Variants in OTOGL observed in about 807,000 individuals in gnomAD.
OTOGL encodes the protein otogelin-like protein.
Under a neutral mutation model 318.5 loss-of-function variants are expected in OTOGL, and 285 were observed. That is an observed-to-expected ratio of 0.89 (90% confidence interval 0.81 to 0.99). The LOEUF (loss-of-function observed/expected upper bound fraction) is 0.99, where lower values mean the gene tolerates loss of function less well. Ranked by LOEUF, OTOGL falls within the 50% of genes least tolerant of loss-of-function variation. The pLI is 0.00. For synonymous variants in OTOGL, 987 were observed against 936.5 expected (o/e 1.05, Z -0.99); for missense variants, 2,899 against 2,845.6 (o/e 1.02, Z -0.43).
intron 1 of OTOGL, among the ~76,000 whole-genome samples, chr12:80,167,311 G>A (rs574373796): frequency 9.2e-5 from 14 of 152,234 alleles, no homozygotes; most frequent in South Asian, 4.1e-4. Context: ...ATTGTGAGGC[G>A]ACTGTGTAAT....
chr12:80,189,048 T>C (rs930241277), intron 1 of OTOGL, among the ~76,000 whole-genome samples: 3 of 152,198 alleles, frequency 2.0e-5, no homozygotes, highest in African/African-American at 7.2e-5. Context: ...TTAATGTCTT[T>C]GTGTGAGTGC....
intron 19 of OTOGL, 29 bp downstream of exon 19, chr12:80,262,122 G>T (rs1169685589): frequency 6.3e-7 from 1 of 1,587,862 alleles, no homozygotes; most frequent in Non-Finnish European, 8.6e-7. Context: ...CTTCCTTTCT[G>T]CTGTAAACTT....
chr12:80,175,805 G>A (rs1333435314), intron 1 of OTOGL, among the ~76,000 whole-genome samples: 1 of 152,156 alleles, frequency 6.6e-6, no homozygotes, highest in African/African-American at 2.4e-5. Context: ...CCAATATGAA[G>A]GTTGAGGTTT....
At chr12:80,304,424 A>G (rs977698722) in intron 28 of OTOGL, among the ~76,000 whole-genome samples, 4 of 152,232 alleles carry the variant, frequency 2.6e-5, no homozygotes, top group African/African-American at 9.6e-5. Context: ...TTTAAAATTT[A>G]GTTTACCTGA....
chr12:80,324,255 C>T (rs931664239), intron 35 of OTOGL, among the ~76,000 whole-genome samples: 1 of 152,196 alleles, frequency 6.6e-6, no homozygotes, highest in African/African-American at 2.4e-5. Context: ...CAGTGAAGAG[C>T]ACCCTGACAA....
At chr12:80,243,399 T>C (rs1289307906) in intron 11 of OTOGL, among the ~76,000 whole-genome samples, 1 of 151,980 alleles carries the variant, frequency 6.6e-6, no homozygotes, top group Non-Finnish European at 1.5e-5. Context: ...CATTCTCAGA[T>C]GAAGTAAAAA....
intron 34 of OTOGL, 114 bp from the exon 35 acceptor site, chr12:80,323,609 A>T: frequency 2.6e-6 from 2 of 766,718 alleles, no homozygotes; most frequent in Non-Finnish European, 4.3e-6. Flanking sequence ...AAATAGTGCC[A>T]CTGCGCTCGA....
At chr12:80,230,127 C>A (rs932461647) in intron 8 of OTOGL, among the ~76,000 whole-genome samples, 12 of 152,078 alleles carry the variant, frequency 7.9e-5, no homozygotes, top group Admixed American at 6.6e-5. Context: ...TGGGCTGGAA[C>A]AATTCTATTC....
chr12:80,167,963 C>T (rs533491216), intron 1 of OTOGL, among the ~76,000 whole-genome samples: 3 of 151,642 alleles, frequency 2.0e-5, no homozygotes, highest in Non-Finnish European at 4.4e-5. Context: ...CCTTGCCTCT[C>T]CTCTCCTCTC....
Position 80,320,571 on chromosome 12 carries a change from C to T in OTOGL, c.3952C>T (p.Pro1318Ser), listed in dbSNP as rs777012018. 5.6e-6 allele frequency: 9 copies of T among 1,613,420 alleles called. No individual in the cohort carries two copies. Among genetic ancestry groups the T allele is most frequent in the Non-Finnish European group, 7.6e-6 (9 of 1,179,658 alleles). Residue 1318 changes from proline to serine, a missense_variant, in exon 34 of 59, where the codon CCT (proline) becomes TCT (serine). This residue lies in a region of OTOGL where 2,607 missense variants were observed against 2,524.9 expected (regional missense o/e 1.03). Transcript: ENST00000547103. ...TTTCCACCATCAGGGCCTCTGGATT[C>T]CTGGTTACAGTGCATTTGAGTTATA... Reference protein sequence around the residue: ...TFFHHQGLWIPGYSAFELYSK... With the variant: ...TFFHHQGLWISGYSAFELYSK...
intron 1 of OTOGL, among the ~76,000 whole-genome samples, chr12:80,197,107 CTCTT>C (rs1404024733): frequency 1.3e-5 from 2 of 152,172 alleles, no homozygotes; most frequent in East Asian, 1.9e-4. Context: ...TTGATAATAA[CTCTT>C]TCAGCCAATT....
intron 52 of OTOGL, among the ~76,000 whole-genome samples, chr12:80,362,272 T>C (rs1007273668): frequency 5.9e-5 from 9 of 152,340 alleles, no homozygotes; most frequent in African/African-American, 2.2e-4. Flanking sequence ...GGTAACTTTG[T>C]CAAAAATTAA....
At chr12:80,339,374 A>T (rs1167852785) in intron 43 of OTOGL, 110 bp downstream of exon 43, 17 of 859,428 alleles carry the variant, frequency 2.0e-5, no homozygotes, top group Non-Finnish European at 2.7e-5. Flanking sequence ...TTCAGATTTG[A>T]GATGTGATAT....
At chr12:80,104,039 A>G (rs1230050882) in intron 1 of OTOGL, among the ~76,000 whole-genome samples, 1 of 152,220 alleles carries the variant, frequency 6.6e-6, no homozygotes, top group African/African-American at 2.4e-5. Flanking sequence ...GGCTGAAAAG[A>G]TCAGAATTCC....
chr12:80,300,940 T>G (rs1308310629), intron 27 of OTOGL, among the ~76,000 whole-genome samples: 1 of 152,164 alleles, frequency 6.6e-6, no homozygotes, highest in Non-Finnish European at 1.5e-5. Flanking sequence ...TAACAACACA[T>G]ATGGTTATAT....
intron 1 of OTOGL, among the ~76,000 whole-genome samples, chr12:80,170,187 G>T (rs1027476185): frequency 7.4e-6 from 1 of 134,376 alleles, no homozygotes; most frequent in Non-Finnish European, 1.5e-5. Context: ...GGGTGTGTGT[G>T]TGTGTGTGTG....
intron 1 of OTOGL, among the ~76,000 whole-genome samples, chr12:80,122,507 T>G (rs768602995): frequency 1.3e-5 from 2 of 152,192 alleles, no homozygotes; most frequent in Non-Finnish European, 2.9e-5. Flanking sequence ...AGAGGAAAAC[T>G]CTTATCTGGT....
In OTOGL at chr12:80,328,648, C is replaced by CT; in HGVS notation, c.4200-11dup. On this transcript the variant is annotated splice_polypyrimidine_tract_variant and intron_variant, in intron 35 of 58. Transcript: ENST00000547103. ...AAACTTTTCTTCACTTTGATTTACT[C>CT]TTTTTTCCATGTAAAGGGTTGAAGG... 1.9e-6 allele frequency: 3 copies of CT among 1,542,766 alleles called. No homozygotes were observed. The highest frequency in any genetic ancestry group is 1.4e-5 in the African/African-American group (1 of 72,834).
intron 1 of OTOGL, among the ~76,000 whole-genome samples, chr12:80,125,270 G>T (rs1162556117): frequency 6.6e-6 from 1 of 152,164 alleles, no homozygotes; most frequent in Non-Finnish European, 1.5e-5. Flanking sequence ...TTTGTCAAAG[G>T]CCTTTTCTGC....
Sources: allele counts gnomAD v4.1 joint callset (sites outside exome capture counted in the v4.1 genomes callset), GRCh38; gene constraint gnomAD v4.1.1; regional missense constraint gnomAD v4.1.1; transcripts MANE v1.5; gene names NCBI Gene and HGNC (gene_info 2026-07-23, HGNC 2026-07-21).